The following OTOGL variants were observed in gnomAD, a reference collection of about 807,000 sequenced individuals.
The protein encoded by OTOGL is otogelin like, also known as otogelin-like protein.
In OTOGL, 285 loss-of-function variants were observed where a neutral mutation model predicts 318.5. The observed-to-expected ratio is 0.89, with a 90% CI of 0.81 to 0.99. The LOEUF is 0.99. OTOGL is among the 50% of genes least tolerant of loss of function. The probability of loss-of-function intolerance (pLI) is 0.00; values close to 1 mark genes in which losing one functional copy is unlikely to be tolerated. For missense variants in OTOGL, 2,899 were observed against 2,845.6 expected (o/e 1.02, Z -0.43); for synonymous variants, 987 against 936.5 (o/e 1.05, Z -0.99).
At chr12:80,356,729 A>G in intron 48 of OTOGL, 78 bp from the exon 49 acceptor site, 4 of 789,662 alleles carry the variant, frequency 5.1e-6, no homozygotes, top group Non-Finnish European at 7.6e-6. Context: ...ATTTATTACT[A>G]AATTCAAAGA....
At chr12:80,176,524 C>CT (rs1304466914) in intron 1 of OTOGL, among the ~76,000 whole-genome samples, 2 of 151,898 alleles carry the variant, frequency 1.3e-5, no homozygotes, top group African/African-American at 4.8e-5. Flanking sequence ...TCTTTTTTGT[C>CT]TTTTTTCACT....
intron 24 of OTOGL, among the ~76,000 whole-genome samples, chr12:80,277,699 A>T (rs1883914762): frequency 6.6e-6 from 1 of 151,548 alleles, no homozygotes; most frequent in Non-Finnish European, 1.5e-5. Context: ...TCCTGCTTTC[A>T]ACTTTAAACA....
intron 1 of OTOGL, among the ~76,000 whole-genome samples, chr12:80,179,276 T>C (rs1409088247): frequency 6.6e-6 from 1 of 152,074 alleles, no homozygotes; most frequent in African/African-American, 2.4e-5. Context: ...ACATTAGAAA[T>C]AGAGTCAGGC....
At chr12:80,108,928 A>ATGTGTGTG (rs1255638977) in intron 1 of OTOGL, among the ~76,000 whole-genome samples, 8 of 88,166 alleles carry the variant, frequency 9.1e-5, no homozygotes, top group African/African-American at 4.0e-4. Context: ...GTATATATAT[A>ATGTGTGTG]TGTGTGTGTA....
intron 1 of OTOGL, among the ~76,000 whole-genome samples, chr12:80,103,754 C>A (rs1288572003): frequency 6.6e-6 from 1 of 152,150 alleles, no homozygotes; most frequent in African/African-American, 2.4e-5. Flanking sequence ...TATGGAAATA[C>A]CGCTAGTATT....
At position 80,352,446 on chromosome 12, in the gene OTOGL, T is replaced by C. The variant is rs1395711607; in HGVS notation, c.5407+10T>C. On this transcript the variant is annotated intron_variant, in intron 45 of 58. Coordinates refer to ENST00000547103, the MANE Select transcript of OTOGL (RefSeq NM_001378609.3). ...ACACCTGATTACTGCTGTGAGTAACTGTTAACTGAATATTTTTCCATCATA... is the reference window on the plus strand; with the variant it reads ...ACACCTGATTACTGCTGTGAGTAACCGTTAACTGAATATTTTTCCATCATA... 2 of 1,440,200 alleles carry C rather than the reference T, an allele frequency of 1.4e-6. No individual in the cohort carries two copies. The highest frequency in any genetic ancestry group is 5.0e-5 in the East Asian group (2 of 39,742). The allele number at this position is 1,440,200 out of a possible 1,614,324, so 89.2% of individuals were successfully genotyped here. A position where few individuals can be genotyped will look rare whatever the true frequency, so the allele number is the denominator to read the frequency against.
intron 24 of OTOGL, 25 bp from the exon 25 acceptor site, chr12:80,278,143 T>C: frequency 6.7e-7 from 1 of 1,492,090 alleles, no homozygotes; most frequent in Non-Finnish European, 9.1e-7. Context: ...TCATACTAAA[T>C]AGCATTTTAT....
chr12:80,255,118 A>G lies in OTOGL; in HGVS notation c.1520A>G (p.Tyr507Cys). The stretch of plus-strand genomic sequence containing the variant: ...TATTCTTTTATTGGCATGTGCCAAT[A>G]CATCCTCGTGAAAGGAACTGGAAAA... Reference protein sequence around the residue: ...RHYSFIGMCQYILVKGTGKDK... With the variant: ...RHYSFIGMCQCILVKGTGKDK... Residue 507 changes from tyrosine (Y) to cysteine (C), a missense_variant, in exon 16 of 59, where the codon TAC (tyrosine) becomes TGC (cysteine). Coordinates refer to ENST00000547103, the MANE Select transcript of OTOGL (RefSeq NM_001378609.3). 2 of 1,528,238 alleles carry G rather than the reference A, an allele frequency of 1.3e-6. No homozygotes were observed. Among genetic ancestry groups the G allele is most frequent in the Middle Eastern group, 1.7e-4 (1 of 5,858 alleles). 94.7% of individuals were successfully genotyped at this position (1,528,238 alleles called of 1,614,324 possible).
intron 7 of OTOGL, among the ~76,000 whole-genome samples, chr12:80,225,211 T>C (rs369959308): frequency 3.9e-5 from 6 of 152,096 alleles, no homozygotes; most frequent in African/African-American, 1.4e-4. Flanking sequence ...AGGTCTCCTG[T>C]TCTCAGTTCT....
At chr12:80,315,314 T>C (rs943934122) in intron 32 of OTOGL, among the ~76,000 whole-genome samples, 2 of 152,200 alleles carry the variant, frequency 1.3e-5, no homozygotes, top group African/African-American at 4.8e-5. Context: ...TAAGAACTTA[T>C]TGATACAATA....
At chr12:80,232,810 G>A in intron 8 of OTOGL, 82 bp from the exon 9 acceptor site, 1 of 1,163,520 alleles carries the variant, frequency 8.6e-7, no homozygotes, top group Non-Finnish European at 1.2e-6. Context: ...TCTTTTAATT[G>A]TATCTCAGTC....
intron 3 of OTOGL, among the ~76,000 whole-genome samples, 187 bp from the exon 4 acceptor site, chr12:80,211,760 GAC>G (rs1360354839): frequency 2.0e-5 from 3 of 152,106 alleles, no homozygotes; most frequent in Non-Finnish European, 4.4e-5. Flanking sequence ...TGTAAAATGA[GAC>G]AGCACCACCA....
At chr12:80,099,770 T>A (rs1869023669) in intron 1 of OTOGL, among the ~76,000 whole-genome samples, 165 bp downstream of exon 1, 1 of 152,184 alleles carries the variant, frequency 6.6e-6, no homozygotes, top group Non-Finnish European at 1.5e-5. Flanking sequence ...TTAAAAATTA[T>A]AATTAAAATT....
intron 24 of OTOGL, among the ~76,000 whole-genome samples, chr12:80,276,342 G>GT (rs1193133627): frequency 7.9e-5 from 12 of 151,792 alleles, no homozygotes; most frequent in Non-Finnish European, 1.8e-4. Context: ...GATAAGATCA[G>GT]TTAGGGGCAT....
At chr12:80,307,423 G>C (rs918287208) in intron 29 of OTOGL, among the ~76,000 whole-genome samples, 1 of 150,468 alleles carries the variant, frequency 6.6e-6, no homozygotes, top group Non-Finnish European at 1.5e-5. Flanking sequence ...CGGGGCGGCT[G>C]GCCAGACGGG....
intron 1 of OTOGL, among the ~76,000 whole-genome samples, chr12:80,175,137 T>C (rs1037264775): frequency 6.6e-6 from 1 of 152,150 alleles, no homozygotes; most frequent in African/African-American, 2.4e-5. Context: ...CTATCATCTC[T>C]TCGCTAAATA....
intron 29 of OTOGL, among the ~76,000 whole-genome samples, chr12:80,307,337 G>T (rs891783991): frequency 6.6e-6 from 1 of 151,856 alleles, no homozygotes; most frequent in African/African-American, 2.4e-5. Context: ...CCTCCCAGAC[G>T]GGGTGGTGGC....
intron 18 of OTOGL, among the ~76,000 whole-genome samples, chr12:80,259,043 C>T (rs376805213): frequency 6.6e-6 from 1 of 151,746 alleles, no homozygotes; most frequent in Non-Finnish European, 1.5e-5. Context: ...ATGTATACCT[C>T]GGAACATCAT....
intron 1 of OTOGL, among the ~76,000 whole-genome samples, chr12:80,120,820 C>T (rs1426991321): frequency 6.6e-6 from 1 of 152,138 alleles, no homozygotes; most frequent in East Asian, 1.9e-4. Context: ...TATCTCTACC[C>T]CTGTAGTAGA....
Sources: gnomAD v4.1 joint callset for allele counts (sites outside exome capture counted in the v4.1 genomes callset) on GRCh38, gnomAD v4.1.1 for gene constraint, MANE v1.5 for transcripts, NCBI Gene and HGNC (gene_info 2026-07-23, HGNC 2026-07-21) for gene names.